Variants in TPRX1 observed in about 807,000 individuals in gnomAD.
The protein encoded by TPRX1 is tetra-peptide repeat homeobox protein 1.
TPRX1 carries 2 observed loss-of-function variants against 8.1 expected under a neutral mutation model. The ratio of observed to expected loss-of-function variants is 0.25; its 90% CI spans 0.10 to 0.78. The LOEUF (loss-of-function observed/expected upper bound fraction) is 0.78, where lower values mean the gene tolerates loss of function less well. Ranked by LOEUF, TPRX1 falls within the 30% of genes least tolerant of loss-of-function variation. The pLI, the probability that TPRX1 is intolerant of heterozygous loss-of-function variation, is 0.70. For missense variants in TPRX1, 517 were observed against 586.9 expected, an observed-to-expected ratio of 0.88 and a Z score of 1.23; for synonymous variants, 257 against 254.1, an observed-to-expected ratio of 1.01 and a Z score of -0.11.
In TPRX1 at chr19:47,818,684, C is replaced by A. The variant is rs139151839; in HGVS notation, c.81-146G>T. The A allele has an allele frequency of 8.8e-4, 339 of 387,184 alleles. 3 individuals are homozygous for A. The highest frequency in any genetic ancestry group is 5.2e-3 in the South Asian group (274 of 52,814). 24.0% of individuals were successfully genotyped at this position (387,184 alleles called of 1,614,324 possible). ...GCCTGGAGTGAAACTCATCAACAAC[C>A]TGATCCAAGGATCCTCCAGTATTCC... On this transcript the variant is annotated intron_variant, in intron 1 of 3. Coordinates refer to ENST00000535759, the Ensembl canonical transcript of TPRX1.
At chr19:47,815,141 TATGCAAATATATATATATATA>T (rs1393938273) in intron 2 of TPRX1, among the ~76,000 whole-genome samples, 1 of 103,432 alleles carries the variant, frequency 9.7e-6, no homozygotes, top group African/African-American at 4.0e-5. Context: ...TATATATATA[TATGCAAATATATATATATATA>T]TTTTTTTTTT....
At chr19:47,808,361 C>T (rs938043865) in intron 2 of TPRX1, among the ~76,000 whole-genome samples, 7 of 151,894 alleles carry the variant, frequency 4.6e-5, no homozygotes, top group African/African-American at 9.7e-5. Flanking sequence ...GTGATCCACC[C>T]GCCTCAGCCT....
At chr19:47,811,585 G>A (rs1045994534) in intron 2 of TPRX1, among the ~76,000 whole-genome samples, 27 of 145,342 alleles carry the variant, frequency 1.9e-4, no homozygotes, top group Non-Finnish European at 3.3e-4. Context: ...TGCAACCTCC[G>A]CCTCCCGGAT....
chr19:47,813,455 G>A (rs1005790659), intron 2 of TPRX1, among the ~76,000 whole-genome samples: 4 of 152,182 alleles, frequency 2.6e-5, no homozygotes, highest in African/African-American at 9.6e-5. Flanking sequence ...TTGTAGAGAG[G>A]GGAGTTGTTC....
chr19:47,805,174 A>G (rs1156525478), intron 2 of TPRX1, among the ~76,000 whole-genome samples: 1 of 152,184 alleles, frequency 6.6e-6, no homozygotes, highest in Admixed American at 6.5e-5. Context: ...GGATTTGCCT[A>G]TGGGGTGAAG....
At chr19:47,815,899 G>A (rs996431396) in intron 2 of TPRX1, among the ~76,000 whole-genome samples, 13 of 152,056 alleles carry the variant, frequency 8.5e-5, no homozygotes, top group East Asian at 5.8e-4. Flanking sequence ...TTGAGCCTTC[G>A]GTTACTTTAA....
At chr19:47,804,759 G>A (rs1967719644) in intron 2 of TPRX1, among the ~76,000 whole-genome samples, 1 of 152,206 alleles carries the variant, frequency 6.6e-6, no homozygotes, top group Non-Finnish European at 1.5e-5. Flanking sequence ...GAGAACCTCA[G>A]TGGACAACAC....
chr19:47,809,471 C>T (rs149301619), intron 2 of TPRX1, among the ~76,000 whole-genome samples: 112 of 151,862 alleles, frequency 7.4e-4, no homozygotes, highest in African/African-American at 2.6e-3. Flanking sequence ...TTTGTAGAGA[C>T]GGGGTTTTGC....
intron 2 of TPRX1, chr19:47,818,416 C>CCA (rs1967870876): frequency 2.9e-5 from 11 of 380,196 alleles, no homozygotes; most frequent in Admixed American, 2.1e-4. Flanking sequence ...CCATCCATCC[C>CCA]TCCGTCCATC....
chr19:47,815,785 C>T (rs548574907), intron 2 of TPRX1, among the ~76,000 whole-genome samples: 1 of 151,740 alleles, frequency 6.6e-6, no homozygotes, highest in Non-Finnish European at 1.5e-5. Context: ...GCACTTCAGC[C>T]TGGGCAACAG....
At chr19:47,809,818 T>A (rs1967766519) in intron 2 of TPRX1, among the ~76,000 whole-genome samples, 1 of 152,014 alleles carries the variant, frequency 6.6e-6, no homozygotes, top group South Asian at 2.1e-4. Context: ...TTGGATGGAA[T>A]TTCTGGAGAT....
chr19:47,816,658 G>A (rs1314626266), intron 2 of TPRX1, among the ~76,000 whole-genome samples: 2 of 149,584 alleles, frequency 1.3e-5, no homozygotes, highest in Non-Finnish European at 3.0e-5. Context: ...TCAGCCTCCC[G>A]AGTAGCTGGG....
At chr19:47,808,639 A>G (rs955804968) in intron 2 of TPRX1, among the ~76,000 whole-genome samples, 2 of 133,980 alleles carry the variant, frequency 1.5e-5, no homozygotes, top group African/African-American at 5.0e-5. Flanking sequence ...TATTTTTAGT[A>G]GAGATGGGGT....
chr19:47,812,643 G>A (rs567388103), intron 2 of TPRX1, among the ~76,000 whole-genome samples: 1 of 152,238 alleles, frequency 6.6e-6, no homozygotes, highest in African/African-American at 2.4e-5. Flanking sequence ...GCTGAGGCAG[G>A]AGAATCGCTT....
intron 2 of TPRX1, among the ~76,000 whole-genome samples, chr19:47,815,125 T>TATGCAA (rs1555800015): frequency 4.1e-5 from 4 of 97,416 alleles, no homozygotes; most frequent in Non-Finnish European, 4.2e-5. Flanking sequence ...TATATATATA[T>TATGCAA]ATATATATAT....
At chr19:47,802,647 G>T in exon 4 of TPRX1, 5 of 1,553,122 alleles carry the variant, frequency 3.2e-6, no homozygotes, top group East Asian at 2.4e-5. Context: ...GCTGGGCCTG[G>T]AATTGGGCCT....
chr19:47,807,196 G>A (rs1967743051), intron 2 of TPRX1, among the ~76,000 whole-genome samples: 1 of 151,944 alleles, frequency 6.6e-6, no homozygotes, highest in South Asian at 2.1e-4. Context: ...GTGAAACACC[G>A]CGCCCGGCCA....
In TPRX1 at chr19:47,802,014, A is replaced by G. The variant is rs139632837; in HGVS notation, c.1288T>C (p.Leu430=). 247 of 1,612,606 alleles carry G rather than the reference A, an allele frequency of 1.5e-4. 2 individuals are homozygous for G. In the African/African-American group the frequency reaches 3.1e-3, roughly 20 times the overall value. The change falls in exon 4 of 4, where the codon TTA becomes CTA. Residue 430 remains leucine, a synonymous_variant. Coordinates refer to ENST00000535759, the Ensembl canonical transcript of TPRX1. ...GAGGCATCGGGGCTCTGAGGCCATA[A>G]GGGGGCTGGGGCTGGGAGTGATCCT...
intron 1 of TPRX1, among the ~76,000 whole-genome samples, chr19:47,818,734 A>ATTTAACCCCACTTTTTTTG (rs1293596770): frequency 1.3e-5 from 2 of 152,176 alleles, no homozygotes; most frequent in Non-Finnish European, 2.9e-5. Flanking sequence ...TGTCCCCAGA[A>ATTTAACCCCACTTTTTTTG]TTTAACCCCA....
Sources: gnomAD v4.1 joint callset for allele counts (sites outside exome capture counted in the v4.1 genomes callset) on GRCh38, gnomAD v4.1.1 for gene constraint, MANE v1.5 for transcripts, NCBI Gene and HGNC (gene_info 2026-07-23, HGNC 2026-07-21) for gene names.